The following BTG4 variants were observed in gnomAD, a reference collection of about 807,000 sequenced individuals.
BTG4 encodes the protein BTG anti-proliferation factor 4, also known as protein BTG4.
A neutral mutation model predicts 19.3 loss-of-function variants in BTG4; 10 were observed. The ratio of observed to expected loss-of-function variants is 0.52; its 90% CI spans 0.32 to 0.88. The LOEUF is 0.88. BTG4 is among the 40% of genes least tolerant of loss of function. The probability of loss-of-function intolerance (pLI) is 0.04; values close to 1 mark genes in which losing one functional copy is unlikely to be tolerated. For missense variants in BTG4, 238 were observed against 281.9 expected (o/e 0.84, Z 1.11); for synonymous variants, 91 against 95.7 (o/e 0.95, Z 0.29).
chr11:111,458,304 GGCC>G, the BTG4 span: 1 of 64,992 alleles, frequency 1.5e-5, no homozygotes, highest in Non-Finnish European at 3.4e-5. Flanking sequence ...GATGCTCCTA[GGCC>G]CATAAGCTCA....
chr11:111,383,939 A>G, the BTG4 span, among the ~76,000 whole-genome samples: 11 of 152,312 alleles, frequency 7.2e-5, no homozygotes, highest in East Asian at 1.9e-3. Flanking sequence ...GAAGTACAGT[A>G]TATTCTTAAA....
intron 1 of BTG4, among the ~76,000 whole-genome samples, chr11:111,511,290 A>G (rs1866890862): frequency 6.6e-6 from 1 of 152,256 alleles, no homozygotes; most frequent in Non-Finnish European, 1.5e-5. Flanking sequence ...CATTTGGAAA[A>G]AAAGTGCTGT....
At chr11:111,441,307 C>G in the BTG4 span, among the ~76,000 whole-genome samples, 1 of 152,048 alleles carries the variant, frequency 6.6e-6, no homozygotes, top group African/African-American at 2.4e-5. Flanking sequence ...ACAGGGTCTG[C>G]TCATGTTCCC....
At chr11:111,423,382 T>C in the BTG4 span, among the ~76,000 whole-genome samples, 1 of 152,246 alleles carries the variant, frequency 6.6e-6, no homozygotes, top group African/African-American at 2.4e-5. Context: ...CATATCTCCA[T>C]TGTCAAAACT....
chr11:111,460,277 A>G, the BTG4 span: 1 of 152,642 alleles, frequency 6.6e-6, no homozygotes. Context: ...TGGTCCTGTC[A>G]TTGGAGCTCA....
the BTG4 span, among the ~76,000 whole-genome samples, chr11:111,433,467 G>A: frequency 6.6e-6 from 1 of 152,070 alleles, no homozygotes; most frequent in African/African-American, 2.4e-5. Context: ...GAAAACCTAG[G>A]CAACACCATT....
chr11:111,493,150 GAAAC>G (rs561088459), downstream of BTG4, among the ~76,000 whole-genome samples: 373 of 152,110 alleles, frequency 2.5e-3, 2 homozygotes, highest in African/African-American at 6.7e-3. Flanking sequence ...TGTCTCAAAG[GAAAC>G]AAACAAACAA....
At chr11:111,427,801 C>T in the BTG4 span, among the ~76,000 whole-genome samples, 24 of 152,276 alleles carry the variant, frequency 1.6e-4, no homozygotes, top group African/African-American at 5.5e-4. Context: ...AAGCAGCTGA[C>T]TTCCCTGACT....
At chr11:111,417,607 A>G in the BTG4 span, 1 of 152,224 alleles carries the variant, frequency 6.6e-6, no homozygotes. Flanking sequence ...GTGGTCTGCA[A>G]TCACTCCCTC....
the BTG4 span, among the ~76,000 whole-genome samples, chr11:111,388,719 T>C: frequency 6.6e-6 from 1 of 152,194 alleles, no homozygotes; most frequent in Non-Finnish European, 1.5e-5. Context: ...CAGCCTCACT[T>C]CTTCTCTGTG....
At chr11:111,455,717 C>G in the BTG4 span, 1 of 424,180 alleles carries the variant, frequency 2.4e-6, no homozygotes, top group African/African-American at 2.0e-5. Flanking sequence ...CAAAACAAAA[C>G]GTCCTTTTCC....
chr11:111,489,154 A>T (rs12278663), intron 5 of BTG4, among the ~76,000 whole-genome samples: 5,396 of 152,116 alleles, frequency 0.035, 326 homozygotes, highest in African/African-American at 0.12. Flanking sequence ...AAAAAAAAAA[A>T]AGACAAATGG....
downstream of BTG4, among the ~76,000 whole-genome samples, chr11:111,494,645 G>A (rs1312142628): frequency 6.6e-6 from 1 of 152,062 alleles, no homozygotes; most frequent in African/African-American, 2.4e-5. Flanking sequence ...AATGAATGGT[G>A]GCCGGGCACG....
At chr11:111,429,297 G>A in the BTG4 span, among the ~76,000 whole-genome samples, 2 of 152,062 alleles carry the variant, frequency 1.3e-5, no homozygotes, top group Non-Finnish European at 2.9e-5. Context: ...AGTATTGCAG[G>A]GCAGGTCCCA....
chr11:111,481,948 C>T (rs1167791042), intron 5 of BTG4, among the ~76,000 whole-genome samples: 1 of 151,646 alleles, frequency 6.6e-6, no homozygotes, highest in Non-Finnish European at 1.5e-5. Flanking sequence ...TCCTATTCAA[C>T]ATAGAGCCAA....
the BTG4 span, chr11:111,448,617 G>C: frequency 6.5e-6 from 1 of 152,740 alleles, no homozygotes; most frequent in Non-Finnish European, 1.5e-5. Context: ...CACCCAGCCA[G>C]AGAAGGGCAA....
chr11:111,507,433 C>T (rs906194345), intron 1 of BTG4, among the ~76,000 whole-genome samples: 4 of 151,814 alleles, frequency 2.6e-5, no homozygotes, highest in Non-Finnish European at 5.9e-5. Context: ...AGAGGCCAAT[C>T]AGTAGTAGGA....
At chr11:111,455,683 G>A in the BTG4 span, 1 of 392,870 alleles carries the variant, frequency 2.5e-6, no homozygotes, top group African/African-American at 2.0e-5. Context: ...AGAGAATGTG[G>A]CTGCAGGGGG....
chr11:111,499,628 T>C (rs1166509396), intron 1 of BTG4, among the ~76,000 whole-genome samples: 1 of 152,362 alleles, frequency 6.6e-6, no homozygotes, highest in South Asian at 2.1e-4. Flanking sequence ...AATGATGTCA[T>C]CTCTAACTTA....
Sources: allele counts gnomAD v4.1 joint callset (sites outside exome capture counted in the v4.1 genomes callset), GRCh38; gene constraint gnomAD v4.1.1; transcripts MANE v1.5; gene names NCBI Gene and HGNC (gene_info 2026-07-23, HGNC 2026-07-21).